The following SCN10A variants were observed in gnomAD, a reference collection of about 807,000 sequenced individuals.
SCN10A encodes sodium voltage-gated channel alpha subunit 10.
In SCN10A, 162 loss-of-function variants were observed where a neutral mutation model predicts 170.7. The ratio of observed to expected loss-of-function variants is 0.95; its 90% confidence interval spans 0.84 to 1.08. SCN10A has a LOEUF of 1.08. SCN10A is among the 50% of genes least tolerant of loss of function. SCN10A has a pLI of 0.00. For synonymous variants in SCN10A, 985 were observed against 904.6 expected (o/e 1.09, Z -1.59); for missense variants, 2,527 against 2,436.9 (o/e 1.04, Z -0.78).
In SCN10A at chr3:38,760,744, T is replaced by C. The variant is rs751271372; in HGVS notation, c.887A>G (p.Asp296Gly). Residue 296 changes from aspartate (D) to glycine (G), a missense_variant, in exon 8 of 28, where the codon GAT (aspartate) becomes GGT (glycine). By Grantham distance (94) the Asp-to-Gly change is moderately conservative. Coordinates refer to ENST00000449082, the MANE Select transcript of SCN10A (RefSeq NM_006514.4). ...AGTGCCTCGCTTATTTATGTAGATA[T>C]CTGCTGAAGAAAGGAAGAAAAGAAA... The part of the protein sequence containing the change: ...TTNYSSHRKP[D>G]IYINKRGTSD... The C allele has an allele frequency of 5.0e-6, 8 of 1,613,524 alleles. No individual in the cohort carries two copies. In the South Asian group the frequency reaches 8.8e-5, roughly 18 times the overall value.
intron 1 of SCN10A, among the ~76,000 whole-genome samples, chr3:38,794,718 G>T (rs986745747): frequency 6.6e-6 from 1 of 152,170 alleles, no homozygotes; most frequent in South Asian, 2.1e-4. Flanking sequence ...ACTGCTGAGG[G>T]GTTATGGGGA....
At chr3:38,766,102 T>C (rs2063929651) in intron 5 of SCN10A, among the ~76,000 whole-genome samples, 1 of 152,284 alleles carries the variant, frequency 6.6e-6, no homozygotes, top group African/African-American at 2.4e-5. Context: ...GAAACTTTAC[T>C]GAATTCATTT....
chr3:38,726,961 T>A lies in SCN10A; in HGVS notation c.2732A>T (p.Gln911Leu). The change falls in exon 17 of 28, where the codon CAG (glutamine) becomes CTG (leucine). Residue 911 changes from glutamine to leucine, a missense_variant. By Grantham distance (113) the Gln-to-Leu change is moderately radical. Transcript: ENST00000449082. ...PEDDGEVNNL[Q>L]VALARIQVFG... ...GACCTGGATCCGTGCCAGGGCCACC[T>A]GCAGGTTGTTCACCTCCCCATCGTC... 6.2e-7 allele frequency: 1 copy of A among 1,614,232 alleles called. No individual in the cohort carries two copies. Among genetic ancestry groups the A allele is most frequent in the Non-Finnish European group, 8.5e-7 (1 of 1,180,028 alleles).
intron 16 of SCN10A, 50 bp from the exon 17 acceptor site, chr3:38,727,102 C>T (rs767994360): frequency 1.7e-5 from 26 of 1,538,330 alleles, no homozygotes; most frequent in Admixed American, 1.0e-4. Flanking sequence ...AAGCTGAGCC[C>T]CACATTGGCC....
intron 21 of SCN10A, among the ~76,000 whole-genome samples, chr3:38,714,894 C>T (rs1391878466): frequency 1.3e-5 from 2 of 152,280 alleles, no homozygotes; most frequent in Admixed American, 1.3e-4. Flanking sequence ...GGCTATGACC[C>T]TGTCCTGTGA....
At chr3:38,737,832 C>CTTTCTTTCTTGCTT (rs373851282) in intron 15 of SCN10A, among the ~76,000 whole-genome samples, 2 of 70,150 alleles carry the variant, frequency 2.9e-5, no homozygotes. Flanking sequence ...TTCTTTCTTT[C>CTTTCTTTCTTGCTT]TCTTTCTTCT....
At position 38,722,378 on chromosome 3, in the gene SCN10A, A is replaced by G; in HGVS notation, c.3387T>C (p.Asp1129=). ...CIRHCPCCKL[D]TTKSPWDVGW... is the part of the protein sequence containing the mutation. ...CCACATCCCATGGACTCTTGGTGGTATCCAGTTTGCAGCAGGGACAGTGGC... is the reference window on the plus strand; with the variant it reads ...CCACATCCCATGGACTCTTGGTGGTGTCCAGTTTGCAGCAGGGACAGTGGC... Residue 1129 remains aspartate, a synonymous_variant, in exon 20 of 28, where the codon GAT becomes GAC. Coordinates refer to ENST00000449082, the MANE Select transcript of SCN10A (RefSeq NM_006514.4). The G allele has an allele frequency of 1.2e-6, 2 of 1,614,114 alleles. No individual in the cohort carries two copies. Among genetic ancestry groups the G allele is most frequent in the South Asian group, 1.1e-5 (1 of 91,064 alleles).
intron 8 of SCN10A, among the ~76,000 whole-genome samples, chr3:38,758,878 G>T (rs1387490949): frequency 1.3e-5 from 2 of 152,186 alleles, no homozygotes; most frequent in Non-Finnish European, 2.9e-5. Flanking sequence ...GACTTGAGCT[G>T]CTCTGGAGCC....
intron 15 of SCN10A, among the ~76,000 whole-genome samples, chr3:38,734,966 C>G (rs1293096884): frequency 6.6e-6 from 1 of 151,876 alleles, no homozygotes; most frequent in South Asian, 2.1e-4. Flanking sequence ...GTCAGGAGAT[C>G]GAGACCATCC....
Position 38,816,077 on chromosome 3 carries a change from T to C in SCN10A, c.-73A>G, listed in dbSNP as rs929187897. 6.6e-6 allele frequency: 1 copy of C among 152,200 alleles called. No homozygotes were observed. Among genetic ancestry groups the C allele is most frequent in the Non-Finnish European group, 1.5e-5 (1 of 68,030 alleles). The allele number at this position is 152,200 out of a possible 1,614,324, so 9.4% of individuals were successfully genotyped here. On this transcript the variant is annotated 5_prime_UTR_variant, in exon 1 of 28. Transcript: ENST00000449082. ...TTGCTTGTCTTCTACGTAAGAAATA[T>C]CTTCTCTTCTATCCCAGATTGCCTC...
intron 1 of SCN10A, among the ~76,000 whole-genome samples, chr3:38,796,930 C>T (rs1164275820): frequency 1.3e-5 from 2 of 151,948 alleles, no homozygotes; most frequent in African/African-American, 4.8e-5. Context: ...AGTACAGTGC[C>T]TGGAACTAAC....
chr3:38,760,387 C>G lies in SCN10A; in HGVS notation c.950+294G>C, dbSNP rs568274876. Among the ~76,000 whole-genome samples the G allele has an allele frequency of 7.2e-5, 11 of 152,322 alleles. No homozygotes were observed. In the East Asian group the frequency reaches 2.1e-3, roughly 29 times the overall value. ...TGCTGTCTGCATATGCATGAATGAGCCTAGTCAATGTCACCCAATGCCCAT... is the reference window on the plus strand; with the variant it reads ...TGCTGTCTGCATATGCATGAATGAGGCTAGTCAATGTCACCCAATGCCCAT... On this transcript the variant is annotated intron_variant, in intron 8 of 27. Coordinates refer to ENST00000449082, the MANE Select transcript of SCN10A (RefSeq NM_006514.4).
intron 4 of SCN10A, among the ~76,000 whole-genome samples, chr3:38,780,564 T>A (rs1053056152): frequency 6.6e-6 from 1 of 152,136 alleles, no homozygotes; most frequent in Non-Finnish European, 1.5e-5. Context: ...GGTTTTTGCA[T>A]TGTTGAAATT....
At position 38,784,511 on chromosome 3, in the gene SCN10A, C is replaced by T. The variant is rs530738355; in HGVS notation, c.470+4445G>A. 3.0e-3 allele frequency among the ~76,000 whole-genome samples: 451 copies of T among 152,088 alleles called. 2 individuals carry two copies. The highest frequency in any genetic ancestry group is 0.011 in the African/African-American group (436 of 41,502). On this transcript the variant is annotated intron_variant, in intron 4 of 27. Coordinates refer to ENST00000449082, the MANE Select transcript of SCN10A (RefSeq NM_006514.4). ...ATAATAAGAACTATTTATGACAAGC[C>T]CCCAGCCAATATCATACTGAATGGG...
At chr3:38,718,959 G>A in intron 20 of SCN10A, 133 bp from the exon 21 acceptor site, 1 of 792,036 alleles carries the variant, frequency 1.3e-6, no homozygotes, top group African/African-American at 1.7e-5. Flanking sequence ...CTTGCCAGTA[G>A]CATTTTGTTT....
chr3:38,793,918 CT>C lies in SCN10A; in HGVS notation c.92del (p.Lys31SerfsTer27). ...LVEIEKQIAA[K>X]QGTKKAREKH... is the part of the protein sequence containing the mutation. ...TCTCTCTGGCTTTCTTTGTTCCCTG[CT>C]TGGCAGCAATTTGCTTCTCTATCTC... On this transcript the variant is annotated frameshift_variant, in exon 2 of 28. Transcript: ENST00000449082. LOFTEE classifies it high-confidence loss of function. 6.2e-7 allele frequency: 1 copy of C among 1,614,128 alleles called. No individual in the cohort carries two copies. The highest frequency in any genetic ancestry group is 8.5e-7 in the Non-Finnish European group (1 of 1,179,970).
In SCN10A at chr3:38,755,766, A is replaced by G; in HGVS notation, c.1461+22T>C. Reference sequence around the variant, plus strand: ...AGCTGCAATGGTGGGTAATCTTTAGAGCACAAACCTGAGCCTCTTACCATC... The same window carrying G: ...AGCTGCAATGGTGGGTAATCTTTAGGGCACAAACCTGAGCCTCTTACCATC... On this transcript the variant is annotated intron_variant, in intron 11 of 27. Coordinates refer to ENST00000449082, the MANE Select transcript of SCN10A (RefSeq NM_006514.4). 5 of 1,612,332 alleles carry G rather than the reference A, an allele frequency of 3.1e-6. No homozygotes were observed. The South Asian group carries it at 5.5e-5, about 18-fold the overall frequency.
chr3:38,697,589 T>A lies in SCN10A; in HGVS notation c.5631A>T (p.Pro1877=). The A allele has an allele frequency of 1.2e-6, 2 of 1,614,084 alleles. No homozygotes were observed. The highest frequency in any genetic ancestry group is 8.5e-7 in the Non-Finnish European group (1 of 1,179,992). Residue 1877 remains proline (P), a synonymous_variant, in exon 28 of 28, where the codon CCA becomes CCT. Transcript: ENST00000449082. ...CCTCCTCCTCAGCTCTGGGCACACA[T>A]GGGGTGTTAGAGAGTGCCATGGAGC... ...LHRSMALSNT[P]CVPRAEEEAA... is the part of the protein sequence containing the mutation.
In SCN10A at chr3:38,720,982, C is replaced by A. The variant is rs189166554; in HGVS notation, c.3507+1276G>T. Among the ~76,000 whole-genome samples, 137 of 152,312 alleles carry A rather than the reference C, an allele frequency of 9.0e-4. 1 individual carries two copies. The highest frequency in any genetic ancestry group is 3.2e-3 in the African/African-American group (132 of 41,574). On this transcript the variant is annotated intron_variant, in intron 20 of 27. Transcript: ENST00000449082. ...CACTGCCCTGTGCCAGGGCACTGGG[C>A]ACCTGCAGCCGCTGTCACACAGTTC... is the stretch of plus-strand genomic sequence containing the variant.
Sources: allele counts gnomAD v4.1 joint callset (sites outside exome capture counted in the v4.1 genomes callset), GRCh38; gene constraint gnomAD v4.1.1; transcripts MANE v1.5; gene names NCBI Gene and HGNC (gene_info 2026-07-23, HGNC 2026-07-21).